Variants in CLCN3 observed in about 807,000 individuals in gnomAD.
The protein encoded by CLCN3 is H(+)/Cl(-) exchange transporter 3.
A neutral mutation model predicts 83.4 loss-of-function variants in CLCN3; 16 were observed. The ratio of observed to expected loss-of-function variants is 0.19; its 90% CI spans 0.13 to 0.29. CLCN3 has a LOEUF of 0.29. CLCN3 is among the 10% of genes least tolerant of loss of function. The pLI is 1.00. For missense variants in CLCN3, 544 were observed against 1,006.0 expected (o/e 0.54, Z 6.21); for synonymous variants, 322 against 346.2 (o/e 0.93, Z 0.78).
At chr4:169,686,805 T>G (rs531731010) in intron 3 of CLCN3, among the ~76,000 whole-genome samples, 2 of 152,340 alleles carry the variant, frequency 1.3e-5, no homozygotes, top group East Asian at 3.9e-4. Context: ...ACATTCTTAG[T>G]AAGAGAGGTG....
intron 2 of CLCN3, among the ~76,000 whole-genome samples, chr4:169,666,565 G>A (rs1342318205): frequency 6.6e-6 from 1 of 152,236 alleles, no homozygotes. Context: ...GAGGGATGGT[G>A]ATGGTGAAGG....
At chr4:169,690,291 G>A (rs1463652185) in intron 5 of CLCN3, among the ~76,000 whole-genome samples, 6 of 151,732 alleles carry the variant, frequency 4.0e-5, no homozygotes, top group Non-Finnish European at 5.9e-5. Context: ...TATTACAGGC[G>A]TGCGCCACCA....
chr4:169,669,381 C>T (rs1427743166), intron 2 of CLCN3, among the ~76,000 whole-genome samples: 3 of 152,044 alleles, frequency 2.0e-5, no homozygotes, highest in African/African-American at 7.2e-5. Flanking sequence ...GTCCCAACTA[C>T]TTGGGAGGCT....
chr4:169,672,645 TA>T (rs1453694220), intron 2 of CLCN3, among the ~76,000 whole-genome samples: 3 of 152,094 alleles, frequency 2.0e-5, no homozygotes, highest in Non-Finnish European at 2.9e-5. Flanking sequence ...CTATATAAGT[TA>T]TATATATTTT....
In CLCN3 at chr4:169,688,158, T is replaced by G. The variant is rs144716226; in HGVS notation, c.418+401T>G. Among the ~76,000 whole-genome samples the G allele has an allele frequency of 1.5e-4, 23 of 152,358 alleles. No individual in the cohort carries two copies. In the East Asian group the frequency reaches 4.2e-3, roughly 28 times the overall value. ...CCGGAATCCTGTGGTACCAGTGCTGTCATTATCACCATTTTGCAGATGAGG... is the reference window on the plus strand; with the variant it reads ...CCGGAATCCTGTGGTACCAGTGCTGGCATTATCACCATTTTGCAGATGAGG... On this transcript the variant is annotated intron_variant, in intron 4 of 12. Transcript: ENST00000513761.
intron 2 of CLCN3, among the ~76,000 whole-genome samples, chr4:169,670,962 G>A (rs1160643380): frequency 6.6e-6 from 1 of 152,182 alleles, no homozygotes; most frequent in Non-Finnish European, 1.5e-5. Flanking sequence ...TGTGGGTAAG[G>A]CTGTGGAGAA....
intron 9 of CLCN3, among the ~76,000 whole-genome samples, chr4:169,702,091 C>T (rs558768274): frequency 1.7e-4 from 26 of 152,162 alleles, no homozygotes; most frequent in African/African-American, 5.3e-4. Flanking sequence ...AGCTGCCGAT[C>T]GCTAGTTTCA....
intron 2 of CLCN3, among the ~76,000 whole-genome samples, chr4:169,640,987 C>A (rs1730398224): frequency 6.6e-6 from 1 of 152,166 alleles, no homozygotes; most frequent in African/African-American, 2.4e-5. Flanking sequence ...CATCAAGGGT[C>A]TCCCAGGTTT....
At position 169,680,210 on chromosome 4, in the gene CLCN3, A is replaced by G. The variant is rs1436787620; in HGVS notation, c.318+3A>G. ...AAGACAGAGAAAGGCATAGACGGGT[A>G]AGTGTTTTTAGTAAAAATTTTTAAA... On this transcript the variant is annotated splice_donor_region_variant and intron_variant, in intron 3 of 12. Coordinates refer to ENST00000513761, the MANE Select transcript of CLCN3 (RefSeq NM_001829.4). 1 of 1,603,126 alleles carries G rather than the reference A, an allele frequency of 6.2e-7. No individual in the cohort carries two copies. Among genetic ancestry groups the G allele is most frequent in the Non-Finnish European group, 8.5e-7 (1 of 1,175,642 alleles).
chr4:169,671,014 T>G (rs140240102), intron 2 of CLCN3, among the ~76,000 whole-genome samples: 41 of 152,312 alleles, frequency 2.7e-4, no homozygotes, highest in African/African-American at 9.6e-4. Flanking sequence ...GTAAATTAGT[T>G]CAACCATTGT....
intron 7 of CLCN3, among the ~76,000 whole-genome samples, chr4:169,692,879 T>A (rs1732423620): frequency 6.6e-6 from 1 of 152,228 alleles, no homozygotes; most frequent in Non-Finnish European, 1.5e-5. Flanking sequence ...TCCTTTACCA[T>A]TTCTTTAGGC....
intron 2 of CLCN3, among the ~76,000 whole-genome samples, chr4:169,655,090 T>G (rs1327924292): frequency 6.6e-6 from 1 of 152,172 alleles, no homozygotes; most frequent in Non-Finnish European, 1.5e-5. Context: ...CTAATTATAG[T>G]TTTTTATCTT....
chr4:169,713,145 C>T lies in CLCN3; in HGVS notation c.2216C>T (p.Pro739Leu), dbSNP rs1464928963. Reference sequence around the variant, plus strand: ...CGGGTGTGTTTTGCACAGCACACCCCATCTCTTCCAGCAGAAAGTCCTCGG... The same window carrying T: ...CGGGTGTGTTTTGCACAGCACACCCTATCTCTTCCAGCAGAAAGTCCTCGG... ...SSRVCFAQHT[P>L]SLPAESPRPL... Residue 739 changes from proline to leucine, a missense_variant, in exon 12 of 13, where the codon CCA becomes CTA. Coordinates refer to ENST00000513761, the MANE Select transcript of CLCN3 (RefSeq NM_001829.4). The T allele has an allele frequency of 9.3e-6, 15 of 1,614,038 alleles. No homozygotes were observed. The highest frequency in any genetic ancestry group is 1.2e-5 in the Non-Finnish European group (14 of 1,180,016).
chr4:169,657,642 G>C lies in CLCN3; in HGVS notation c.160+21554G>C, dbSNP rs374600723. On this transcript the variant is annotated intron_variant, in intron 2 of 12. Transcript: ENST00000513761. ...TGTAGATACAGAGACATCCCAGAGA[G>C]GTTGTGATTTATCCAGATTTCCACA... Among the ~76,000 whole-genome samples the C allele has an allele frequency of 2.6e-5, 4 of 152,290 alleles. No homozygotes were observed. In the East Asian group the frequency reaches 7.7e-4, roughly 29 times the overall value.
chr4:169,638,737 C>G (rs1050388813), intron 2 of CLCN3, among the ~76,000 whole-genome samples: 1 of 152,074 alleles, frequency 6.6e-6, no homozygotes, highest in Non-Finnish European at 1.5e-5. Context: ...GAGAGAGTGC[C>G]AAGCAGTAAG....
At chr4:169,676,919 T>C (rs1452950728) in intron 2 of CLCN3, among the ~76,000 whole-genome samples, 2 of 152,060 alleles carry the variant, frequency 1.3e-5, no homozygotes, top group Non-Finnish European at 2.9e-5. Flanking sequence ...ATAATTCTCA[T>C]TGTGAAACCA....
intron 3 of CLCN3, among the ~76,000 whole-genome samples, chr4:169,684,048 T>C (rs1732055069): frequency 6.6e-6 from 1 of 152,230 alleles, no homozygotes; most frequent in Non-Finnish European, 1.5e-5. Context: ...CGGCCTACAT[T>C]AAATTTTAAA....
chr4:169,639,013 G>A (rs528366652), intron 2 of CLCN3, among the ~76,000 whole-genome samples: 2 of 152,270 alleles, frequency 1.3e-5, no homozygotes, highest in East Asian at 1.9e-4. Context: ...TGACTATAGC[G>A]TAGGCAACCA....
intron 10 of CLCN3, among the ~76,000 whole-genome samples, chr4:169,705,087 A>G (rs1399713515): frequency 6.6e-6 from 1 of 152,218 alleles, no homozygotes; most frequent in South Asian, 2.1e-4. Context: ...ACAAATATAT[A>G]CAAGGTTAAA....
Sources: gnomAD v4.1 joint callset for allele counts (sites outside exome capture counted in the v4.1 genomes callset) on GRCh38, gnomAD v4.1.1 for gene constraint, MANE v1.5 for transcripts, NCBI Gene and HGNC (gene_info 2026-07-23, HGNC 2026-07-21) for gene names.